Variants in MPPED2 observed in about 807,000 individuals in gnomAD.
MPPED2 encodes metallophosphoesterase MPPED2.
In MPPED2, 5 loss-of-function variants were observed where a neutral mutation model predicts 33.0. The observed-to-expected ratio is 0.15, with a 90% CI of 0.08 to 0.32. The LOEUF is 0.32. Ranked by LOEUF, MPPED2 falls within the 10% of genes least tolerant of loss-of-function variation. The pLI is 1.00. For synonymous variants in MPPED2, 136 were observed against 141.9 expected (o/e 0.96, Z 0.29); for missense variants, 275 against 372.1 (o/e 0.74, Z 2.15).
intron 4 of MPPED2, chr11:30,469,031 T>C (rs1052470611): frequency 4.6e-5 from 7 of 152,242 alleles, no homozygotes; most frequent in African/African-American, 1.4e-4. Context: ...AAGATATTTT[T>C]GATCCTTACT....
At chr11:30,388,824 G>A (rs988349685) in exon 7 of MPPED2, 49 of 1,474,946 alleles carry the variant, frequency 3.3e-5, no homozygotes, top group Non-Finnish European at 4.1e-5. Context: ...TGCCAGGATT[G>A]TAGCTCACAC....
intron 4 of MPPED2, among the ~76,000 whole-genome samples, chr11:30,481,056 T>C (rs932421851): frequency 6.6e-6 from 1 of 152,088 alleles, no homozygotes. Context: ...ATGCACAAAA[T>C]TGTATTGGGT....
At chr11:30,433,819 T>C (rs1590245491) in intron 4 of MPPED2, among the ~76,000 whole-genome samples, 1 of 152,238 alleles carries the variant, frequency 6.6e-6, no homozygotes, top group Non-Finnish European at 1.5e-5. Flanking sequence ...CTATGGCTGC[T>C]GTAACAAAAC....
intron 1 of MPPED2, among the ~76,000 whole-genome samples, chr11:30,581,487 G>A (rs1411644239): frequency 2.0e-5 from 3 of 152,158 alleles, no homozygotes; most frequent in Non-Finnish European, 4.4e-5. Context: ...AGAAGCCGTA[G>A]TACACTCCTT....
chr11:30,405,749 C>T (rs1269101028), downstream of MPPED2, among the ~76,000 whole-genome samples: 1 of 152,078 alleles, frequency 6.6e-6, no homozygotes, highest in African/African-American at 2.4e-5. Context: ...TTATTTTTGC[C>T]CTCTGCCCCT....
chr11:30,391,909 T>A (rs1947782979), intron 6 of MPPED2, among the ~76,000 whole-genome samples: 1 of 152,204 alleles, frequency 6.6e-6, no homozygotes, highest in Non-Finnish European at 1.5e-5. Flanking sequence ...CCAACCTGGA[T>A]GCTAATCCTG....
intron 3 of MPPED2, among the ~76,000 whole-genome samples, chr11:30,521,979 C>G (rs1953900169): frequency 6.6e-6 from 1 of 152,170 alleles, no homozygotes; most frequent in South Asian, 2.1e-4. Context: ...AGTGTGGTGT[C>G]TTGTCACTTA....
intron 4 of MPPED2, among the ~76,000 whole-genome samples, chr11:30,417,931 T>C (rs945059348): frequency 1.3e-5 from 2 of 152,172 alleles, no homozygotes; most frequent in African/African-American, 4.8e-5. Flanking sequence ...TAAATCTCAG[T>C]GCTTCCTAAG....
intron 3 of MPPED2, among the ~76,000 whole-genome samples, chr11:30,519,820 T>C (rs1386927896): frequency 6.6e-6 from 1 of 152,174 alleles, no homozygotes; most frequent in Non-Finnish European, 1.5e-5. Context: ...TATATGCTCT[T>C]GGTTGATTAA....
chr11:30,424,201 AC>A (rs781777714), intron 4 of MPPED2, among the ~76,000 whole-genome samples: 8 of 152,198 alleles, frequency 5.3e-5, no homozygotes, highest in Non-Finnish European at 7.3e-5. Flanking sequence ...ACAAGCGGTT[AC>A]TTTGGGTCCT....
At chr11:30,402,765 C>T (rs184739524) in intron 6 of MPPED2, among the ~76,000 whole-genome samples, 102 of 152,262 alleles carry the variant, frequency 6.7e-4, no homozygotes, top group African/African-American at 2.4e-3. Context: ...ATGCTGTACT[C>T]ATGGATATCT....
chr11:30,507,371 A>C (rs1434705120), intron 3 of MPPED2, among the ~76,000 whole-genome samples: 1 of 152,212 alleles, frequency 6.6e-6, no homozygotes, highest in East Asian at 1.9e-4. Flanking sequence ...TCTACAGAAT[A>C]TCCTGAAATT....
At chr11:30,517,851 T>C (rs1252345221) in intron 3 of MPPED2, among the ~76,000 whole-genome samples, 10 of 152,188 alleles carry the variant, frequency 6.6e-5, no homozygotes, top group Admixed American at 6.5e-4. Flanking sequence ...ATGTATAAAC[T>C]ATTTCTAAGA....
At chr11:30,585,725 G>A (rs561858232) in intron 1 of MPPED2, among the ~76,000 whole-genome samples, 1 of 152,280 alleles carries the variant, frequency 6.6e-6, no homozygotes, top group Non-Finnish European at 1.5e-5. Flanking sequence ...GGGTGGAGAA[G>A]AGAAGAGGCG....
At chr11:30,390,469 C>A in intron 6 of MPPED2, among the ~76,000 whole-genome samples, 1 of 152,286 alleles carries the variant, frequency 6.6e-6, no homozygotes, top group Middle Eastern at 3.4e-3. Flanking sequence ...ATAAAAAAGC[C>A]CTGAAACCAT....
At chr11:30,465,392 AC>A (rs1950665597) in intron 4 of MPPED2, among the ~76,000 whole-genome samples, 2 of 152,112 alleles carry the variant, frequency 1.3e-5, no homozygotes, top group Admixed American at 1.3e-4. Context: ...GGCTCAAGCA[AC>A]CCTCCCAACT....
chr11:30,410,738 A>G lies in MPPED2; in HGVS notation c.*730T>C. The G allele has an allele frequency of 2.0e-6, 2 of 984,068 alleles. No homozygotes were observed. Among genetic ancestry groups the G allele is most frequent in the Non-Finnish European group, 2.4e-6 (2 of 828,302 alleles). The allele number at this position is 984,068 out of a possible 1,614,324, so 61.0% of individuals were successfully genotyped here. ...TATATATAAACCCATATTGAAAAGG[A>G]GTCTGCATGTTCATTTTTTTAACCG... On this transcript the variant is annotated 3_prime_UTR_variant, in exon 7 of 7. Transcript: ENST00000358117.
intron 3 of MPPED2, among the ~76,000 whole-genome samples, chr11:30,531,483 A>T (rs1313697107): frequency 6.6e-6 from 1 of 152,226 alleles, no homozygotes; most frequent in Non-Finnish European, 1.5e-5. Context: ...AAAGGGGCCA[A>T]TGCGGTGGTA....
At chr11:30,423,454 C>T (rs1005945341) in intron 4 of MPPED2, among the ~76,000 whole-genome samples, 3 of 152,180 alleles carry the variant, frequency 2.0e-5, no homozygotes, top group African/African-American at 7.2e-5. Flanking sequence ...GGCACAGAAG[C>T]TGTGAAGGGG....
Sources: allele counts gnomAD v4.1 joint callset (sites outside exome capture counted in the v4.1 genomes callset), GRCh38; gene constraint gnomAD v4.1.1; transcripts MANE v1.5; gene names NCBI Gene and HGNC (gene_info 2026-07-23, HGNC 2026-07-21).